Variants in FAT2 observed in about 807,000 individuals in gnomAD.
FAT2 encodes the protein protocadherin Fat 2.
Under a neutral mutation model 295.3 loss-of-function variants are expected in FAT2, and 150 were observed. That is an observed-to-expected ratio of 0.51 (90% confidence interval 0.44 to 0.58). The LOEUF is 0.58. FAT2 is among the 20% of genes least tolerant of loss of function. The pLI is 0.00. For synonymous variants in FAT2, 2,026 were observed against 2,150.3 expected (o/e 0.94, Z 1.60); for missense variants, 4,868 against 5,442.7 (o/e 0.89, Z 3.32).
At chr5:151,589,040 A>G (rs1420660713) in intron 1 of FAT2, among the ~76,000 whole-genome samples, 2 of 152,194 alleles carry the variant, frequency 1.3e-5, no homozygotes, top group African/African-American at 4.8e-5. Context: ...TCCATCATAA[A>G]TGTGAGTGTT....
intron 15 of FAT2, among the ~76,000 whole-genome samples, chr5:151,528,623 A>G (rs1308022901): frequency 2.6e-5 from 4 of 152,082 alleles, no homozygotes; most frequent in Non-Finnish European, 5.9e-5. Flanking sequence ...GTTTTGGGGA[A>G]AGGTAGATAT....
chr5:151,549,267 C>T (rs2127618679), intron 9 of FAT2, 28 bp downstream of exon 9: 2 of 1,605,838 alleles, frequency 1.2e-6, no homozygotes, highest in Non-Finnish European at 1.7e-6. Context: ...CTTGACCCAT[C>T]CTCTGAGCTC....
At chr5:151,517,015 G>A (rs970210750) in intron 20 of FAT2, among the ~76,000 whole-genome samples, 2 of 151,958 alleles carry the variant, frequency 1.3e-5, no homozygotes, top group Non-Finnish European at 2.9e-5. Context: ...AGCTGAGGCA[G>A]GAGAATCGCT....
At chr5:151,575,839 C>T (rs1257878790) in intron 1 of FAT2, among the ~76,000 whole-genome samples, 2 of 152,146 alleles carry the variant, frequency 1.3e-5, no homozygotes, top group African/African-American at 2.4e-5. Context: ...CTGTGCTGTC[C>T]AGGGTGGGAG....
At chr5:151,534,774 T>G in intron 12 of FAT2, 132 bp from the exon 13 acceptor site, 1 of 674,806 alleles carries the variant, frequency 1.5e-6, no homozygotes, top group East Asian at 2.8e-5. Context: ...GTCAATACAG[T>G]CAGGAAAGCA....
rs375844785 is a variant in FAT2 at position 151,543,426 on chromosome 5, G to A, written c.7701C>T (p.Ala2567=). The A allele has an allele frequency of 1.6e-4, 258 of 1,613,986 alleles. No homozygotes were observed. Among genetic ancestry groups the A allele is most frequent in the Non-Finnish European group, 2.1e-4 (244 of 1,180,004 alleles). The change falls in exon 10 of 24, where the codon GCC becomes GCT. Residue 2567 remains alanine, a synonymous_variant. Coordinates refer to ENST00000261800, the MANE Select transcript of FAT2 (RefSeq NM_001447.3). ...VMARDGGGRV[A]FCTVKIILTD... ...TGAGGATGATCTTCACCGTGCAGAA[G>A]GCTACTCTTCCTCCTCCATCCCGAG...
intron 1 of FAT2, among the ~76,000 whole-genome samples, chr5:151,587,918 C>T (rs1759241002): frequency 6.6e-6 from 1 of 152,188 alleles, no homozygotes; most frequent in Non-Finnish European, 1.5e-5. Flanking sequence ...TGGTGACCTG[C>T]ACATACAGGG....
At chr5:151,517,376 A>G (rs1475727700) in intron 20 of FAT2, among the ~76,000 whole-genome samples, 8 of 152,196 alleles carry the variant, frequency 5.3e-5, no homozygotes, top group Admixed American at 2.0e-4. Flanking sequence ...CTCCATTTCT[A>G]TCTTACCCCA....
rs202021814 is a variant in FAT2, at chr5:151,553,247, G to T, written c.4086C>A (p.Asp1362Glu). 6.2e-7 allele frequency: 1 copy of T among 1,614,226 alleles called. No homozygotes were observed. Among genetic ancestry groups the T allele is most frequent in the Non-Finnish European group, 8.5e-7 (1 of 1,180,040 alleles). Residue 1362 changes from aspartate (D) to glutamate (E), a missense_variant, in exon 6 of 24, where the codon GAC becomes GAA. Physicochemically the swap from Asp to Glu is conservative, Grantham distance 45. Transcript: ENST00000261800. The part of the protein sequence containing the change: ...TYYSFTVMET[D>E]PVNHMVGVIS... The stretch of plus-strand genomic sequence containing the variant: ...TGACCCCCACCATGTGGTTCACAGG[G>T]TCCGTCTCCATGACCGTAAAGCTGT...
intron 18 of FAT2, among the ~76,000 whole-genome samples, chr5:151,522,312 CCTATACCATG>C (rs149815939): frequency 0.013 from 1,984 of 152,310 alleles, 64 homozygotes; most frequent in South Asian, 0.098. Context: ...GGAGTTACAT[CCTATACCATG>C]CAGTAAAACA....
At chr5:151,573,315 C>T (rs1162288583) in intron 1 of FAT2, among the ~76,000 whole-genome samples, 1 of 152,208 alleles carries the variant, frequency 6.6e-6, no homozygotes, top group East Asian at 1.9e-4. Context: ...AGTAATACAA[C>T]TGTTTAGTAC....
rs1253908107 is a variant in FAT2 at position 151,521,987 on chromosome 5, T to A, written c.10606A>T (p.Ile3536Phe). 6.2e-7 allele frequency: 1 copy of A among 1,614,118 alleles called. No individual in the cohort carries two copies. The highest frequency in any genetic ancestry group is 8.5e-7 in the Non-Finnish European group (1 of 1,179,994). The change falls in exon 19 of 24, where the codon ATC becomes TTC. Residue 3536 changes from isoleucine (I) to phenylalanine (F), a missense_variant. This residue lies in a region of FAT2 where 1,046 missense variants were observed against 1,210.1 expected (regional missense o/e 0.86). Coordinates refer to ENST00000261800, the MANE Select transcript of FAT2 (RefSeq NM_001447.3). ...TCATCCTCTCCAACAGTGATGAAGATCTCCAGTGGGAGAGCAGAAGGTGCA... is the reference window on the plus strand; with the variant it reads ...TCATCCTCTCCAACAGTGATGAAGAACTCCAGTGGGAGAGCAGAAGGTGCA... ...HYAPSALPLE[I>F]FITVGEDEFQ...
intron 12 of FAT2, among the ~76,000 whole-genome samples, chr5:151,536,643 T>C (rs1361923693): frequency 4.6e-5 from 7 of 152,186 alleles, no homozygotes; most frequent in Non-Finnish European, 2.9e-5. Context: ...TGCTTCCCAC[T>C]CTGCTCTATC....
At chr5:151,571,495 T>G (rs1476544846) in intron 1 of FAT2, among the ~76,000 whole-genome samples, 1 of 152,192 alleles carries the variant, frequency 6.6e-6, no homozygotes, top group Non-Finnish European at 1.5e-5. Flanking sequence ...ACCGGTGCCT[T>G]GCAATGCAGG....
At chr5:151,527,776 T>G (rs1206924636) in intron 16 of FAT2, among the ~76,000 whole-genome samples, 1 of 152,210 alleles carries the variant, frequency 6.6e-6, no homozygotes, top group Non-Finnish European at 1.5e-5. Context: ...AGAAGCCACC[T>G]GAGGTCCTCT....
At chr5:151,529,919 G>T (rs1754408586) in intron 14 of FAT2, among the ~76,000 whole-genome samples, 1 of 152,212 alleles carries the variant, frequency 6.6e-6, no homozygotes, top group Non-Finnish European at 1.5e-5. Context: ...GATTTATCCT[G>T]CCTTTCCCGG....
chr5:151,510,087 C>T lies in FAT2; in HGVS notation c.11993G>A (p.Gly3998Asp), dbSNP rs1412404009. Residue 3998 changes from glycine to aspartate, a missense_variant, in exon 22 of 24, where the codon GGT becomes GAT. Gly to Asp is a moderately conservative substitution (Grantham distance 94). Coordinates refer to ENST00000261800, the MANE Select transcript of FAT2 (RefSeq NM_001447.3). ...ENCTFAPCLE[G>D]GTCILSPKGA... is the part of the protein sequence containing the mutation. ...TTTGGGGGAGAGGATGCAAGTTCCA[C>T]CTTCCAGGCAGGGTGCAAAAGTACA... The T allele has an allele frequency of 9.3e-6, 15 of 1,614,052 alleles. No individual in the cohort carries two copies. The highest frequency in any genetic ancestry group is 1.2e-5 in the Non-Finnish European group (14 of 1,180,034).
At chr5:151,590,103 G>T (rs1002070811) in intron 1 of FAT2, among the ~76,000 whole-genome samples, 1 of 152,136 alleles carries the variant, frequency 6.6e-6, no homozygotes, top group African/African-American at 2.4e-5. Flanking sequence ...AAGACCATGC[G>T]TGCTCAGCAT....
chr5:151,531,493 G>T lies in FAT2; in HGVS notation c.9811+94C>A. On this transcript the variant is annotated intron_variant, in intron 14 of 23. Transcript: ENST00000261800. This position sits in a 1 kb window ranked among gnomAD's most constrained non-coding sequence, Gnocchi z 5.7. ...CCAGAGGAGGTCTGCTCTGGGAGGC[G>T]CTGCACAGGGTAGATACCCACACAG... 6.6e-7 allele frequency: 1 copy of T among 1,511,308 alleles called. No individual in the cohort carries two copies. Among genetic ancestry groups the T allele is most frequent in the Middle Eastern group, 2.4e-4 (1 of 4,124 alleles). The allele number at this position is 1,511,308 out of a possible 1,614,324, so 93.6% of individuals were successfully genotyped here. A position where few individuals can be genotyped will look rare whatever the true frequency, so the allele number is the denominator to read the frequency against.
Sources: gnomAD v4.1 joint callset for allele counts (sites outside exome capture counted in the v4.1 genomes callset) on GRCh38, gnomAD v4.1.1 for gene constraint, gnomAD v4.1.1 regional missense constraint, Gnocchi (gnomAD v3.1) non-coding constraint, MANE v1.5 for transcripts, NCBI Gene and HGNC (gene_info 2026-07-23, HGNC 2026-07-21) for gene names.